ZNF536: variants seen among roughly 807,000 people sequenced by gnomAD.
The protein encoded by ZNF536 is zinc finger protein 536.
A neutral mutation model predicts 84.5 loss-of-function variants in ZNF536; 13 were observed. The ratio of observed to expected loss-of-function variants is 0.15; its 90% confidence interval spans 0.10 to 0.24. The LOEUF (loss-of-function observed/expected upper bound fraction) is 0.24. ZNF536 is among the 10% of genes least tolerant of loss of function. ZNF536 has a pLI of 1.00. For missense variants in ZNF536, 1,536 were observed against 1,747.5 expected (o/e 0.88, Z 2.16); for synonymous variants, 811 against 742.5 (o/e 1.09, Z -1.50).
chr19:30,256,009 G>A (rs2024898201), intron 1 of ZNF536, among the ~76,000 whole-genome samples: 1 of 152,192 alleles, frequency 6.6e-6, no homozygotes, highest in Non-Finnish European at 1.5e-5. Context: ...CAGACCACTG[G>A]GGGCAGCTGG....
At chr19:30,481,788 C>G (rs2054099186) in intron 2 of ZNF536, among the ~76,000 whole-genome samples, 1 of 152,154 alleles carries the variant, frequency 6.6e-6, no homozygotes, top group Non-Finnish European at 1.5e-5. Context: ...GCAGTGTACA[C>G]TGTATCCAAT....
At chr19:30,596,896 C>G (rs1338680810) in intron 1 of ZNF536, among the ~76,000 whole-genome samples, 1 of 151,666 alleles carries the variant, frequency 6.6e-6, no homozygotes, top group Non-Finnish European at 1.5e-5. Flanking sequence ...AGGAGGCTCT[C>G]TTATTACTGG....
intron 2 of ZNF536, among the ~76,000 whole-genome samples, chr19:30,328,552 C>G (rs1244985166): frequency 6.6e-6 from 1 of 152,218 alleles, no homozygotes; most frequent in Non-Finnish European, 1.5e-5. Context: ...ATGCATTGTT[C>G]TGGCTGTCCA....
At position 30,433,575 on chromosome 19, in the gene ZNF536, A is replaced by T. The variant is rs559095685; in HGVS notation, c.-2-9986A>T. ...TGCAATGGCGCGATCTCGGTTCACC[A>T]CAACCTCCGCCTCCTAGGTTCAAGC... On this transcript the variant is annotated intron_variant, in intron 1 of 4. Coordinates refer to ENST00000355537, the MANE Select transcript of ZNF536 (RefSeq NM_014717.3). 2.5e-4 allele frequency among the ~76,000 whole-genome samples: 38 copies of T among 152,280 alleles called. No individual in the cohort carries two copies. In the East Asian group the frequency reaches 7.0e-3, roughly 28 times the overall value.
chr19:30,605,711 G>A (rs573908625), intron 1 of ZNF536, among the ~76,000 whole-genome samples: 3 of 152,172 alleles, frequency 2.0e-5, no homozygotes. Flanking sequence ...CCAGGAGTGG[G>A]ATTCCTGGAT....
At chr19:30,379,205 G>C (rs1052332218) in intron 1 of ZNF536, among the ~76,000 whole-genome samples, 2 of 152,198 alleles carry the variant, frequency 1.3e-5, no homozygotes, top group African/African-American at 4.8e-5. Context: ...GGGAAGGTTT[G>C]AGTAAGGCAT....
At chr19:30,527,383 T>C (rs1010431025) in intron 2 of ZNF536, among the ~76,000 whole-genome samples, 1 of 152,026 alleles carries the variant, frequency 6.6e-6, no homozygotes, top group Non-Finnish European at 1.5e-5. Context: ...ATGCCACCTC[T>C]CTATCTCACG....
chr19:30,591,150 C>A (rs997990025), intron 1 of ZNF536, among the ~76,000 whole-genome samples: 5 of 152,232 alleles, frequency 3.3e-5, no homozygotes, highest in African/African-American at 1.2e-4. Context: ...GAAGTAGATA[C>A]TAGCAGAGGA....
At chr19:30,478,109 C>T (rs958376449) in intron 2 of ZNF536, among the ~76,000 whole-genome samples, 1 of 150,972 alleles carries the variant, frequency 6.6e-6, no homozygotes, top group Non-Finnish European at 1.5e-5. Context: ...GGTCAGGCTG[C>T]TGATGGCTCA....
intron 2 of ZNF536, among the ~76,000 whole-genome samples, chr19:30,340,129 A>T (rs2047518858): frequency 6.6e-6 from 1 of 152,126 alleles, no homozygotes; most frequent in South Asian, 2.1e-4. Flanking sequence ...ACAGGGTAAC[A>T]GGTCAAACCT....
chr19:30,610,008 A>G (rs1259717899), intron 1 of ZNF536, among the ~76,000 whole-genome samples: 1 of 152,102 alleles, frequency 6.6e-6, no homozygotes, highest in African/African-American at 2.4e-5. Flanking sequence ...CTATCCATTC[A>G]TCCATCCATC....
intron 1 of ZNF536, among the ~76,000 whole-genome samples, chr19:30,569,247 C>A (rs1002227925): frequency 6.6e-6 from 1 of 151,734 alleles, no homozygotes; most frequent in African/African-American, 2.4e-5. Context: ...TTTATGATAC[C>A]CTGGTGAGGT....
rs187733829 is a variant in ZNF536 at position 30,319,273 on chromosome 19, G to A, written c.-119-33095G>A. Reference sequence around the variant, plus strand: ...GATCGTGGCAGGAACATGCTGGAATGATATTCTGCCTTTATTTATTATTTG... The same window carrying A: ...GATCGTGGCAGGAACATGCTGGAATAATATTCTGCCTTTATTTATTATTTG... On this transcript the variant is annotated intron_variant, in intron 2 of 5. Coordinates refer to the ZNF536 transcript ENST00000585628. Among the ~76,000 whole-genome samples the A allele has an allele frequency of 8.0e-3, 1,225 of 152,294 alleles. 8 individuals carry two copies. The highest frequency in any genetic ancestry group is 0.017 in the Middle Eastern group (5 of 294).
intron 3 of ZNF536, among the ~76,000 whole-genome samples, chr19:30,359,377 G>A (rs1040767284): frequency 6.6e-6 from 1 of 152,184 alleles, no homozygotes; most frequent in Admixed American, 6.5e-5. Context: ...ATGGCTTGGA[G>A]CATTGCAGGT....
chr19:30,275,504 C>T (rs980461891), intron 1 of ZNF536, among the ~76,000 whole-genome samples: 5 of 152,088 alleles, frequency 3.3e-5, no homozygotes, highest in African/African-American at 4.8e-5. Context: ...TGAGGCTCTC[C>T]GAGGCTGTAG....
chr19:30,684,798 G>A (rs540370790), intron 1 of ZNF536, among the ~76,000 whole-genome samples: 2 of 152,322 alleles, frequency 1.3e-5, no homozygotes, highest in African/African-American at 4.8e-5. Flanking sequence ...TTGACGCAGG[G>A]GGCGGGACAT....
chr19:30,707,793 T>A (rs2148050928), intron 1 of ZNF536, among the ~76,000 whole-genome samples: 1 of 152,182 alleles, frequency 6.6e-6, no homozygotes, highest in African/African-American at 2.4e-5. Flanking sequence ...GTGGATCACC[T>A]GAGGTCAGGA....
intron 2 of ZNF536, among the ~76,000 whole-genome samples, chr19:30,497,107 G>T (rs1427323070): frequency 6.6e-6 from 1 of 152,232 alleles, no homozygotes; most frequent in Non-Finnish European, 1.5e-5. Context: ...GTCTGCAGGT[G>T]CTGACACACA....
At chr19:30,243,289 A>G (rs570543447) in intron 1 of ZNF536, among the ~76,000 whole-genome samples, 1 of 152,292 alleles carries the variant, frequency 6.6e-6, no homozygotes, top group Non-Finnish European at 1.5e-5. Flanking sequence ...ATTTTAAAGT[A>G]AGCTATATAA....
Sources: allele counts gnomAD v4.1 joint callset (sites outside exome capture counted in the v4.1 genomes callset), GRCh38; gene constraint gnomAD v4.1.1; transcripts MANE v1.5; gene names NCBI Gene and HGNC (gene_info 2026-07-23, HGNC 2026-07-21).